Variants in MAPK14 observed in about 807,000 individuals in gnomAD.
The protein encoded by MAPK14 is CSAID-binding protein.
Under a neutral mutation model 49.6 loss-of-function variants are expected in MAPK14, and 16 were observed. That is an observed-to-expected ratio of 0.32 (90% confidence interval 0.22 to 0.49). MAPK14 has a LOEUF of 0.49. MAPK14 is among the 20% of genes least tolerant of loss of function. The probability of loss-of-function intolerance (pLI) is 0.99; values close to 1 mark genes in which losing one functional copy is unlikely to be tolerated. For missense variants in MAPK14, 200 were observed against 441.2 expected (o/e 0.45, Z 4.90); for synonymous variants, 142 against 158.0 (o/e 0.90, Z 0.76).
At chr6:36,119,435 G>A in the MAPK14 span, among the ~76,000 whole-genome samples, 6 of 152,098 alleles carry the variant, frequency 3.9e-5, no homozygotes, top group East Asian at 3.8e-4. Flanking sequence ...AAGCTTTCTC[G>A]TATGTCAACA....
In MAPK14 at chr6:36,028,790, C is replaced by CTTTT. The variant is rs1562090295; in HGVS notation, c.116+517_116+518insTTTT. Among the ~76,000 whole-genome samples the CTTTT allele has an allele frequency of 8.7e-5, 12 of 137,482 alleles. No individual in the cohort carries two copies. The highest frequency in any genetic ancestry group is 3.4e-4 in the African/African-American group (12 of 35,266). The allele number at this position is 137,482 out of a possible 152,430, so 90.2% of individuals were successfully genotyped here. ...GACCAGGAAGGGAGCTCTCTCCGGGCCTTTTTTTTTTTTTTTTTTTTTCAA... is the reference window on the plus strand; with the variant it reads ...GACCAGGAAGGGAGCTCTCTCCGGGCTTTTCTTTTTTTTTTTTTTTTTTTTTCAA... On this transcript the variant is annotated intron_variant, in intron 1 of 11. Coordinates refer to ENST00000229794, the MANE Select transcript of MAPK14 (RefSeq NM_139012.3). The surrounding 1 kb of genome is among the most constrained non-coding windows in gnomAD (Gnocchi z 5.1).
At chr6:36,097,945 GT>G (rs1765501878) in intron 9 of MAPK14, 1 of 151,850 alleles carries the variant, frequency 6.6e-6, no homozygotes, top group South Asian at 2.1e-4. Flanking sequence ...CATAATTGGG[GT>G]GAGTGGATAA....
At chr6:36,090,446 T>C (rs1456109947) in intron 8 of MAPK14, among the ~76,000 whole-genome samples, 1 of 151,872 alleles carries the variant, frequency 6.6e-6, no homozygotes. Flanking sequence ...AGACCTCAAG[T>C]GATCTGCCCG....
At chr6:36,064,092 GTT>G (rs1491292293) in intron 3 of MAPK14, among the ~76,000 whole-genome samples, 1 of 144,006 alleles carries the variant, frequency 6.9e-6, no homozygotes. Context: ...GTGTGTGTGT[GTT>G]TGTTTTCTTT....
At chr6:36,087,929 A>G (rs1285666563) in intron 8 of MAPK14, among the ~76,000 whole-genome samples, 2 of 151,992 alleles carry the variant, frequency 1.3e-5, no homozygotes, top group Admixed American at 6.6e-5. Flanking sequence ...TACTAGTACA[A>G]AAACAGACCA....
At chr6:36,097,396 G>A (rs1315918876) in intron 9 of MAPK14, 2 of 152,082 alleles carry the variant, frequency 1.3e-5, no homozygotes, top group Non-Finnish European at 2.9e-5. Context: ...AACCTAAAGA[G>A]GTATTTTTTT....
At chr6:36,036,851 C>T (rs1762771497) in intron 1 of MAPK14, among the ~76,000 whole-genome samples, 1 of 152,114 alleles carries the variant, frequency 6.6e-6, no homozygotes, top group Non-Finnish European at 1.5e-5. Context: ...AGCAATTCTC[C>T]CACCTTAGCC....
chr6:36,095,591 C>G (rs1198091383), intron 8 of MAPK14, among the ~76,000 whole-genome samples: 1 of 152,178 alleles, frequency 6.6e-6, no homozygotes, highest in Admixed American at 6.5e-5. Context: ...TATCAGTGCA[C>G]TTTGCTGAAC....
chr6:36,102,469 AC>A lies in MAPK14; in HGVS notation c.763-101del, dbSNP rs548496435. ...CAGTTAGAAACACTGAAGTTAGTGG[AC>A]TTTGTCAGTTAACACTCGTTCCTTA... On this transcript the variant is annotated intron_variant, in intron 9 of 11. Transcript: ENST00000229794. The A allele has an allele frequency of 8.1e-5, 68 of 839,506 alleles. No individual in the cohort carries two copies. In the African/African-American group the frequency reaches 9.4e-4, roughly 12 times the overall value. The allele number at this position is 839,506 out of a possible 1,614,324, so 52.0% of individuals were successfully genotyped here.
rs1412670967 is a variant in MAPK14, at chr6:36,110,523, ACG to A, written c.*2077_*2078del. On this transcript the variant is annotated 3_prime_UTR_variant, in exon 12 of 12. Transcript: ENST00000229794. Reference sequence around the variant, plus strand: ...AAGGTCTTTGCACATGTGACCACATACGTGTTAGGAGGCTGCATGCTCTGGAA... The same window carrying A: ...AAGGTCTTTGCACATGTGACCACATATGTTAGGAGGCTGCATGCTCTGGAA... 15 of 152,808 alleles carry A rather than the reference ACG, an allele frequency of 9.8e-5. No individual in the cohort carries two copies. Among genetic ancestry groups the A allele is most frequent in the African/African-American group, 3.6e-4 (15 of 41,596 alleles). The allele number at this position is 152,808 out of a possible 1,614,324, so 9.5% of individuals were successfully genotyped here.
intron 1 of MAPK14, among the ~76,000 whole-genome samples, chr6:36,047,033 C>A (rs1763205929): frequency 6.6e-6 from 1 of 152,154 alleles, no homozygotes; most frequent in Admixed American, 6.5e-5. Context: ...TCCAGTCTCA[C>A]CAGAGCTAGT....
rs1414571551 is a variant in MAPK14, at chr6:36,028,015, GGGGTCGCGGCAGCCGC to G, written c.-142_-127del. ...AGCAGCCGCGCGCGCGGGAGTCTGCGGGGTCGCGGCAGCCGCACCTGCGCGGGCGACCAGCGCAAGG... is the reference window on the plus strand; with the variant it reads ...AGCAGCCGCGCGCGCGGGAGTCTGCGACCTGCGCGGGCGACCAGCGCAAGG... On this transcript the variant is annotated 5_prime_UTR_variant, in exon 1 of 12. Transcript: ENST00000229794. The surrounding 1 kb of genome is among the most constrained non-coding windows in gnomAD (Gnocchi z 5.1). 2.1e-6 allele frequency: 1 copy of G among 467,542 alleles called. No individual in the cohort carries two copies. The highest frequency in any genetic ancestry group is 3.7e-6 in the Non-Finnish European group (1 of 267,242). The allele number at this position is 467,542 out of a possible 1,614,324, so 29.0% of individuals were successfully genotyped here.
intron 2 of MAPK14, among the ~76,000 whole-genome samples, chr6:36,056,084 AT>A (rs1047328516): frequency 5.3e-5 from 8 of 150,370 alleles, no homozygotes; most frequent in Non-Finnish European, 1.0e-4. Flanking sequence ...GCTTTTCTCT[AT>A]TTTTTTTCAG....
chr6:36,065,507 G>GGTGTGGTGT lies in MAPK14; in HGVS notation c.305+6165_305+6166insGTGTGTGTG, dbSNP rs1554181673. On this transcript the variant is annotated intron_variant, in intron 3 of 11. Coordinates refer to ENST00000229794, the MANE Select transcript of MAPK14 (RefSeq NM_139012.3). ...GAGAGAGGGAGCTGAGGGCAGAAAA[G>GGTGTGGTGT]GTGTGTGTGTGTGTGTGTGTGTGTG... 5.7e-5 allele frequency among the ~76,000 whole-genome samples: 7 copies of GGTGTGGTGT among 122,544 alleles called. No individual in the cohort carries two copies. The South Asian group carries it at 2.2e-3, about 38-fold the overall frequency. 80.4% of individuals were successfully genotyped at this position (122,544 alleles called of 152,430 possible).
Position 36,108,675 on chromosome 6 carries a change from G to A in MAPK14, c.*228G>A. 1 of 543,284 alleles carries A rather than the reference G, an allele frequency of 1.8e-6. No individual in the cohort carries two copies. The highest frequency in any genetic ancestry group is 3.3e-6 in the Non-Finnish European group (1 of 300,010). The allele number at this position is 543,284 out of a possible 1,614,324, so 33.7% of individuals were successfully genotyped here. On this transcript the variant is annotated 3_prime_UTR_variant, in exon 12 of 12. Coordinates refer to ENST00000229794, the MANE Select transcript of MAPK14 (RefSeq NM_139012.3). ...TATGATCACAGTGACTTTACAGGAGGTTGTGGATGCTCCAGGGCAGCCTCC... is the reference window on the plus strand; with the variant it reads ...TATGATCACAGTGACTTTACAGGAGATTGTGGATGCTCCAGGGCAGCCTCC...
At chr6:36,055,926 A>C (rs957542422) in intron 2 of MAPK14, among the ~76,000 whole-genome samples, 1 of 152,158 alleles carries the variant, frequency 6.6e-6, no homozygotes, top group African/African-American at 2.4e-5. Flanking sequence ...TTTTGTAAAA[A>C]CCCATCAAAA....
intron 8 of MAPK14, among the ~76,000 whole-genome samples, chr6:36,089,084 G>C (rs926787169): frequency 1.3e-5 from 2 of 152,130 alleles, no homozygotes; most frequent in Admixed American, 1.3e-4. Flanking sequence ...AAATCATTCT[G>C]TTACAAAGAT....
chr6:36,072,738 C>T, intron 3 of MAPK14, 135 bp from the exon 4 acceptor site: 1 of 530,714 alleles, frequency 1.9e-6, no homozygotes, highest in Non-Finnish European at 3.3e-6. Flanking sequence ...GCACTCCAGC[C>T]TGGCAGTAGA....
intron 1 of MAPK14, among the ~76,000 whole-genome samples, chr6:36,036,391 A>G (rs1762752998): frequency 6.6e-6 from 1 of 152,226 alleles, no homozygotes; most frequent in Admixed American, 6.5e-5. Flanking sequence ...AGGGTTTAGA[A>G]TATTACATAA....
Sources: gnomAD v4.1 joint callset for allele counts (sites outside exome capture counted in the v4.1 genomes callset) on GRCh38, gnomAD v4.1.1 for gene constraint, Gnocchi (gnomAD v3.1) non-coding constraint, MANE v1.5 for transcripts, NCBI Gene and HGNC (gene_info 2026-07-23, HGNC 2026-07-21) for gene names.